The following GRIN2A variants were observed in gnomAD, a reference collection of about 807,000 sequenced individuals.
GRIN2A encodes glutamate receptor ionotropic, NMDA 2A.
Under a neutral mutation model 113.4 loss-of-function variants are expected in GRIN2A, and 22 were observed. The ratio of observed to expected loss-of-function variants is 0.19; its 90% CI spans 0.14 to 0.28. The LOEUF (loss-of-function observed/expected upper bound fraction) is 0.28. Ranked by LOEUF, GRIN2A falls within the 10% of genes least tolerant of loss-of-function variation. The probability of loss-of-function intolerance (pLI) is 1.00; values close to 1 mark genes in which losing one functional copy is unlikely to be tolerated. For missense variants in GRIN2A, 1,502 were observed against 1,887.0 expected (o/e 0.80, Z 3.78); for synonymous variants, 827 against 738.4 (o/e 1.12, Z -1.94).
chr16:9,780,406 AT>A (rs1332436109), intron 11 of GRIN2A, among the ~76,000 whole-genome samples: 1 of 152,268 alleles, frequency 6.6e-6, no homozygotes, highest in East Asian at 1.9e-4. Context: ...ACGAAAAAAA[AT>A]AATGAGCTGT....
chr16:9,896,683 G>A (rs988028275), intron 3 of GRIN2A, among the ~76,000 whole-genome samples: 1 of 150,260 alleles, frequency 6.7e-6, no homozygotes, highest in Non-Finnish European at 1.5e-5. Context: ...TGGGAGGGGG[G>A]AAAAAAAAAC....
intron 2 of GRIN2A, among the ~76,000 whole-genome samples, chr16:9,955,776 G>A (rs1039993711): frequency 6.6e-6 from 1 of 152,148 alleles, no homozygotes; most frequent in Non-Finnish European, 1.5e-5. Flanking sequence ...AATGAGGTTA[G>A]GCAGCTTGCC....
At chr16:10,049,875 G>A (rs1452665270) in intron 2 of GRIN2A, among the ~76,000 whole-genome samples, 1 of 152,156 alleles carries the variant, frequency 6.6e-6, no homozygotes, top group Admixed American at 6.5e-5. Flanking sequence ...ATTAATATTT[G>A]CTGACTGAAA....
intron 2 of GRIN2A, among the ~76,000 whole-genome samples, chr16:9,995,794 AC>A (rs1305165014): frequency 2.0e-5 from 3 of 151,944 alleles, no homozygotes; most frequent in African/African-American, 2.4e-5. Flanking sequence ...GGGATAAATG[AC>A]CCCCTTAACA....
chr16:10,064,039 G>A (rs1020887356), intron 2 of GRIN2A, among the ~76,000 whole-genome samples: 2 of 152,074 alleles, frequency 1.3e-5, no homozygotes, highest in East Asian at 1.9e-4. Flanking sequence ...TGCTTTATTC[G>A]AATCATACTG....
At chr16:9,778,386 G>A (rs1408806648) in intron 11 of GRIN2A, among the ~76,000 whole-genome samples, 1 of 152,178 alleles carries the variant, frequency 6.6e-6, no homozygotes, top group African/African-American at 2.4e-5. Context: ...ATGCATTTGT[G>A]AGCACAAATG....
At chr16:9,966,594 G>A (rs375361597) in intron 2 of GRIN2A, among the ~76,000 whole-genome samples, 19 of 152,278 alleles carry the variant, frequency 1.2e-4, no homozygotes, top group African/African-American at 4.1e-4. Context: ...ACACATGCCC[G>A]TGTCCTTATA....
intron 4 of GRIN2A, among the ~76,000 whole-genome samples, chr16:9,878,935 A>G (rs971930225): frequency 2.6e-5 from 4 of 152,032 alleles, no homozygotes; most frequent in African/African-American, 9.7e-5. Context: ...ATTTCAGTTG[A>G]ATGTGTTAAT....
At chr16:9,886,267 A>G (rs2043584468) in intron 4 of GRIN2A, among the ~76,000 whole-genome samples, 1 of 152,372 alleles carries the variant, frequency 6.6e-6, no homozygotes, top group Admixed American at 6.5e-5. Flanking sequence ...GATTAGAAAA[A>G]AAACATGAAT....
At chr16:9,934,130 C>T (rs998410050) in intron 3 of GRIN2A, among the ~76,000 whole-genome samples, 3 of 152,102 alleles carry the variant, frequency 2.0e-5, no homozygotes, top group Non-Finnish European at 4.4e-5. Context: ...AAACATTAAC[C>T]TTTGGCAGGT....
intron 2 of GRIN2A, among the ~76,000 whole-genome samples, chr16:9,955,779 A>G (rs2045293309): frequency 6.6e-6 from 1 of 152,210 alleles, no homozygotes; most frequent in Non-Finnish European, 1.5e-5. Context: ...GAGGTTAGGC[A>G]GCTTGCCTAA....
intron 2 of GRIN2A, among the ~76,000 whole-genome samples, chr16:9,943,465 C>G (rs9937214): frequency 0.26 from 39,512 of 152,072 alleles, 5,596 homozygotes; most frequent in African/African-American, 0.32. Flanking sequence ...AGAGCTTGCT[C>G]GGTCCCCAGG....
At chr16:10,009,258 G>C (rs1328453159) in intron 2 of GRIN2A, among the ~76,000 whole-genome samples, 3 of 152,186 alleles carry the variant, frequency 2.0e-5, no homozygotes, top group Non-Finnish European at 2.9e-5. Context: ...TACAGATGCT[G>C]ATTTAATTTT....
At chr16:9,835,334 C>T (rs2042567788) in intron 7 of GRIN2A, among the ~76,000 whole-genome samples, 1 of 152,126 alleles carries the variant, frequency 6.6e-6, no homozygotes, top group Non-Finnish European at 1.5e-5. Flanking sequence ...TTGCATGTAA[C>T]TTAGGCAGTA....
intron 10 of GRIN2A, among the ~76,000 whole-genome samples, chr16:9,813,767 G>A (rs891296919): frequency 6.6e-6 from 1 of 151,800 alleles, no homozygotes; most frequent in Non-Finnish European, 1.5e-5. Context: ...ACTCTATGAT[G>A]TGGAAGCAAT....
intron 2 of GRIN2A, among the ~76,000 whole-genome samples, chr16:10,066,337 G>A (rs1434507561): frequency 3.3e-5 from 5 of 152,134 alleles, no homozygotes; most frequent in African/African-American, 4.8e-5. Context: ...CTGTCTCATC[G>A]TGTCCTTCTG....
intron 11 of GRIN2A, among the ~76,000 whole-genome samples, chr16:9,794,071 T>C (rs1461492168): frequency 2.0e-5 from 3 of 152,200 alleles, no homozygotes; most frequent in African/African-American, 4.8e-5. Context: ...TGCATGAGCA[T>C]TGTTACTCCA....
chr16:10,026,976 C>T (rs1413228361), intron 2 of GRIN2A, among the ~76,000 whole-genome samples: 1 of 152,146 alleles, frequency 6.6e-6, no homozygotes, highest in South Asian at 2.1e-4. Context: ...AAATCAAAAC[C>T]CCATCGCACC....
chr16:9,996,176 T>C (rs2046220894), intron 2 of GRIN2A, among the ~76,000 whole-genome samples: 1 of 151,760 alleles, frequency 6.6e-6, no homozygotes, highest in Non-Finnish European at 1.5e-5. Context: ...AAGTTGAATG[T>C]CAGAAAGAGA....
Sources: gnomAD v4.1 joint callset for allele counts (sites outside exome capture counted in the v4.1 genomes callset) on GRCh38, gnomAD v4.1.1 for gene constraint, MANE v1.5 for transcripts, NCBI Gene and HGNC (gene_info 2026-07-23, HGNC 2026-07-21) for gene names.